The following PRELID2 variants were observed in gnomAD, a reference collection of about 807,000 sequenced individuals.
PRELID2 encodes PRELI domain containing 2.
PRELID2 carries 25 observed loss-of-function variants against 28.4 expected under a neutral mutation model. That is an observed-to-expected ratio of 0.88 (90% CI 0.64 to 1.23). The LOEUF (loss-of-function observed/expected upper bound fraction) is 1.23, where lower values mean the gene tolerates loss of function less well. Among genes scored for constraint, PRELID2 ranks in the 50% most tolerant of loss-of-function variants. PRELID2 has a pLI of 0.00. For missense variants in PRELID2, 201 were observed against 214.4 expected (o/e 0.94, Z 0.39); for synonymous variants, 76 against 71.6 (o/e 1.06, Z -0.31).
chr5:145,421,862 G>A, the PRELID2 span, among the ~76,000 whole-genome samples: 17 of 147,228 alleles, frequency 1.2e-4, no homozygotes, highest in African/African-American at 4.2e-4. Flanking sequence ...TTTCTCTTGT[G>A]GGCATTTAGT....
intron 5 of PRELID2, among the ~76,000 whole-genome samples, chr5:145,765,705 C>T (rs952914727): frequency 5.3e-5 from 8 of 152,140 alleles, no homozygotes; most frequent in African/African-American, 1.9e-4. Flanking sequence ...CTTCCCGTAC[C>T]CCATGACAAG....
rs1371892951 is a variant in PRELID2, at chr5:145,824,627, ATGCC to A, written c.76-1497_76-1494del. On this transcript the variant is annotated intron_variant, in intron 1 of 6. Transcript: ENST00000683046. The stretch of plus-strand genomic sequence containing the variant: ...TCCTGTATCTCCAACAGCCAGCGTA[ATGCC>A]TGGCACATAAAAAGCACTCAGTCAA... Among the ~76,000 whole-genome samples, 4 of 152,266 alleles carry A rather than the reference ATGCC, an allele frequency of 2.6e-5. No individual in the cohort carries two copies. In the East Asian group the frequency reaches 7.7e-4, roughly 29 times the overall value.
intron 1 of PRELID2, among the ~76,000 whole-genome samples, chr5:145,623,043 A>C (rs939088204): frequency 9.9e-5 from 15 of 152,084 alleles, no homozygotes; most frequent in Non-Finnish European, 4.4e-5. Context: ...CAGAATTTTA[A>C]TGTAATATAA....
chr5:145,736,593 G>A (rs1756503127), intron 1 of PRELID2, among the ~76,000 whole-genome samples: 1 of 152,152 alleles, frequency 6.6e-6, no homozygotes, highest in South Asian at 2.1e-4. Context: ...CTGAATAGGG[G>A]AGAGGATTTT....
Position 145,759,551 on chromosome 5 carries a change from T to C in PRELID2, c.*985A>G, listed in dbSNP as rs1226636403. ...TGTGCTAGGTACTTCATAGGCATGA[T>C]CTCAAATCAGTCCAACAATCTCACA... On this transcript the variant is annotated 3_prime_UTR_variant, in exon 7 of 7. Coordinates refer to ENST00000683046, the MANE Select transcript of PRELID2 (RefSeq NM_205846.3). 6.6e-6 allele frequency: 1 copy of C among 152,222 alleles called. No individual in the cohort carries two copies. 9.4% of individuals were successfully genotyped at this position (152,222 alleles called of 1,614,324 possible). A position where few individuals can be genotyped will look rare whatever the true frequency, so the allele number is the denominator to read the frequency against.
intron 1 of PRELID2, among the ~76,000 whole-genome samples, chr5:145,698,629 G>A (rs1337658455): frequency 6.6e-6 from 1 of 152,182 alleles, no homozygotes; most frequent in Non-Finnish European, 1.5e-5. Context: ...CAATGCAGCT[G>A]TCTGAGCGTT....
chr5:145,522,861 G>A (rs1303682020), intron 1 of PRELID2, among the ~76,000 whole-genome samples: 3 of 151,696 alleles, frequency 2.0e-5, no homozygotes, highest in Non-Finnish European at 4.4e-5. Context: ...AAAGAAGAAG[G>A]AGAAGAAAAA....
chr5:145,476,921 T>C (rs560511166), intron 1 of PRELID2, among the ~76,000 whole-genome samples: 104 of 152,244 alleles, frequency 6.8e-4, no homozygotes, highest in African/African-American at 2.4e-3. Flanking sequence ...AAACATTGAA[T>C]AAAATGAGCA....
the PRELID2 span, among the ~76,000 whole-genome samples, chr5:145,276,984 A>G: frequency 1.3e-5 from 2 of 152,170 alleles, no homozygotes; most frequent in Admixed American, 1.3e-4. Context: ...AATGAAGTCC[A>G]GGTCTCCTAG....
the PRELID2 span, among the ~76,000 whole-genome samples, chr5:145,277,056 C>T: frequency 1.3e-5 from 2 of 152,000 alleles, no homozygotes; most frequent in African/African-American, 2.4e-5. Flanking sequence ...GTAGAAAAAT[C>T]CCTGAAGACT....
At chr5:145,570,832 A>G (rs1205371141) in intron 1 of PRELID2, among the ~76,000 whole-genome samples, 1 of 152,198 alleles carries the variant, frequency 6.6e-6, no homozygotes, top group African/African-American at 2.4e-5. Context: ...ACACTCCTCT[A>G]CTAAATACCT....
At chr5:145,717,246 T>A (rs2149714560) in intron 1 of PRELID2, among the ~76,000 whole-genome samples, 1 of 152,174 alleles carries the variant, frequency 6.6e-6, no homozygotes, top group Non-Finnish European at 1.5e-5. Context: ...GATTAATGGT[T>A]GACAGAGGCT....
At chr5:145,277,549 T>C in the PRELID2 span, among the ~76,000 whole-genome samples, 1 of 152,166 alleles carries the variant, frequency 6.6e-6, no homozygotes, top group Non-Finnish European at 1.5e-5. Flanking sequence ...AGGGGACTCA[T>C]AGCTACACCC....
At chr5:145,594,068 G>T (rs2149633008) in intron 1 of PRELID2, among the ~76,000 whole-genome samples, 1 of 152,216 alleles carries the variant, frequency 6.6e-6, no homozygotes, top group South Asian at 2.1e-4. Context: ...ATTAATTGGG[G>T]TATTGTTTAG....
At chr5:145,327,365 T>C in the PRELID2 span, among the ~76,000 whole-genome samples, 2 of 152,142 alleles carry the variant, frequency 1.3e-5, no homozygotes, top group Non-Finnish European at 2.9e-5. Context: ...TTTATTATTA[T>C]ATAATGACCT....
chr5:145,665,978 CTTTTT>C (rs199927643), intron 1 of PRELID2, among the ~76,000 whole-genome samples: 1 of 121,196 alleles, frequency 8.3e-6, no homozygotes, highest in Non-Finnish European at 1.7e-5. Flanking sequence ...GCAAACTTGT[CTTTTT>C]TTTAAAAAAA....
intron 3 of PRELID2, among the ~76,000 whole-genome samples, chr5:145,818,910 T>A (rs1031149326): frequency 1.3e-5 from 2 of 152,154 alleles, no homozygotes; most frequent in African/African-American, 4.8e-5. Context: ...GTAGCTCCCA[T>A]AATCCCCACA....
the PRELID2 span, among the ~76,000 whole-genome samples, chr5:145,418,901 C>T: frequency 6.8e-6 from 1 of 147,574 alleles, no homozygotes; most frequent in South Asian, 2.2e-4. Flanking sequence ...CACAACAGTC[C>T]CCAGAGTGTG....
intron 1 of PRELID2, among the ~76,000 whole-genome samples, chr5:145,549,630 T>C (rs927433178): frequency 1.5e-5 from 2 of 135,636 alleles, no homozygotes; most frequent in South Asian, 2.1e-4. Context: ...CCATCTCTAC[T>C]AAAAATACAA....
Sources: gnomAD v4.1 joint callset for allele counts (sites outside exome capture counted in the v4.1 genomes callset) on GRCh38, gnomAD v4.1.1 for gene constraint, MANE v1.5 for transcripts, NCBI Gene and HGNC (gene_info 2026-07-23, HGNC 2026-07-21) for gene names.